Variants in NEK1 observed in about 807,000 individuals in gnomAD.
NEK1 encodes serine/threonine-protein kinase Nek1.
Under a neutral mutation model 182.1 loss-of-function variants are expected in NEK1, and 137 were observed. The ratio of observed to expected loss-of-function variants is 0.75; its 90% CI spans 0.65 to 0.87. NEK1 has a LOEUF of 0.87. NEK1 is among the 40% of genes least tolerant of loss of function. The pLI is 0.00. For missense variants in NEK1, 1,391 were observed against 1,494.4 expected (o/e 0.93, Z 1.14); for synonymous variants, 513 against 492.2 (o/e 1.04, Z -0.56).
chr4:169,408,544 G>A (rs1733045016), intron 31 of NEK1, among the ~76,000 whole-genome samples: 1 of 152,092 alleles, frequency 6.6e-6, no homozygotes, highest in South Asian at 2.1e-4. Flanking sequence ...CTTCAGTGGT[G>A]ATTTCTGATA....
At position 169,599,155 on chromosome 4, in the gene NEK1, C is replaced by T. The variant is rs1431339437; in HGVS notation, c.257G>A (p.Gly86Glu). 3.1e-6 allele frequency: 5 copies of T among 1,613,364 alleles called. No individual in the cohort carries two copies. In the South Asian group the frequency reaches 3.3e-5, roughly 11 times the overall value. Residue 86 changes from glycine to glutamate, a missense_variant, in exon 5 of 36, where the codon GGG (glycine) becomes GAG (glutamate). This residue lies in a region of NEK1 where 116 missense variants were observed against 114.5 expected (regional missense o/e 1.01). Coordinates refer to ENST00000507142, the MANE Select transcript of NEK1 (RefSeq NM_001199397.3). ...AGCATTTATTCGCTTAAACAGATCCCCTCCCTCACAGTAATCCATTACTAT... is the reference window on the plus strand; with the variant it reads ...AGCATTTATTCGCTTAAACAGATCCTCTCCCTCACAGTAATCCATTACTAT... Reference protein sequence around the residue: ...LYIVMDYCEGGDLFKRINAQK... With the variant: ...LYIVMDYCEGEDLFKRINAQK...
Position 169,537,503 on chromosome 4 carries a change from T to C in NEK1, c.1665+306A>G, listed in dbSNP as rs186884729. Among the ~76,000 whole-genome samples, 930 of 151,412 alleles carry C rather than the reference T, an allele frequency of 6.1e-3. 14 individuals are homozygous for C. The highest frequency in any genetic ancestry group is 0.022 in the African/African-American group (894 of 40,738). On this transcript the variant is annotated intron_variant, in intron 19 of 35. Transcript: ENST00000507142. ...AACATGCAGCAATCCAAGAACTTATTTCTTTATCTGGGTTGCTATACCCAT... is the reference window on the plus strand; with the variant it reads ...AACATGCAGCAATCCAAGAACTTATCTCTTTATCTGGGTTGCTATACCCAT...
rs145541267 is a variant in NEK1, at chr4:169,397,413, T to C, written c.3847+2812A>G. ...ACAAAACAGCAAGTCATCCACATAA[T>C]TCAATATCCATTTTATAACCAGTTT... is the stretch of plus-strand genomic sequence containing the variant. On this transcript the variant is annotated intron_variant, in intron 35 of 35. Transcript: ENST00000507142. Among the ~76,000 whole-genome samples, 234 of 152,328 alleles carry C rather than the reference T, an allele frequency of 1.5e-3. 2 individuals carry two copies. Among genetic ancestry groups the C allele is most frequent in the African/African-American group, 4.7e-3 (196 of 41,568 alleles).
rs373661947 is a variant in NEK1, at chr4:169,463,397, T to C, written c.2435-2A>G. On this transcript the variant is annotated splice_acceptor_variant, in intron 26 of 35. Transcript: ENST00000507142. LOFTEE classifies it high-confidence loss of function. ...TAATAACTTCTCCCACTGTATGTCC[T>C]ATAAGAAAAATATACAAAGAAACAA... The C allele has an allele frequency of 1.3e-6, 2 of 1,589,948 alleles. No homozygotes were observed. The highest frequency in any genetic ancestry group is 1.7e-6 in the Non-Finnish European group (2 of 1,166,856).
At chr4:169,512,832 CAAT>C in intron 19 of NEK1, among the ~76,000 whole-genome samples, 1 of 152,182 alleles carries the variant, frequency 6.6e-6, no homozygotes, top group Non-Finnish European at 1.5e-5. Flanking sequence ...ATTCCTCCCA[CAAT>C]AATATTGAAA....
At chr4:169,409,025 T>C (rs1385042369) in intron 31 of NEK1, among the ~76,000 whole-genome samples, 2 of 152,208 alleles carry the variant, frequency 1.3e-5, no homozygotes, top group South Asian at 2.1e-4. Context: ...AGTTCTACCT[T>C]TAGCTCTTTA....
At chr4:169,587,751 A>G (rs1767767891) in intron 8 of NEK1, 138 bp from the exon 9 acceptor site, 1 of 475,630 alleles carries the variant, frequency 2.1e-6, no homozygotes, top group South Asian at 4.5e-5. Context: ...AATTTCAACC[A>G]TAATCAAATG....
intron 35 of NEK1, among the ~76,000 whole-genome samples, chr4:169,394,851 CT>C (rs1730427662): frequency 6.6e-6 from 1 of 152,030 alleles, no homozygotes; most frequent in Non-Finnish European, 1.5e-5. Context: ...TGAAAACACC[CT>C]AGTGAATGGA....
chr4:169,580,982 T>C, intron 10 of NEK1, 80 bp from the exon 11 acceptor site: 1 of 643,632 alleles, frequency 1.6e-6, no homozygotes, highest in South Asian at 2.1e-5. Flanking sequence ...ATAATACATC[T>C]TCCCCTTTTT....
At chr4:169,599,633 T>C (rs1431973292) in intron 4 of NEK1, among the ~76,000 whole-genome samples, 2 of 152,178 alleles carry the variant, frequency 1.3e-5, no homozygotes, top group African/African-American at 4.8e-5. Context: ...TTTAATCACT[T>C]ACTTATTAAA....
intron 6 of NEK1, among the ~76,000 whole-genome samples, chr4:169,590,321 T>TAGACAGACAGACAGACAGACAGAC (rs11270666): frequency 2.5e-4 from 38 of 150,928 alleles, no homozygotes; most frequent in African/African-American, 8.1e-4. Flanking sequence ...AAACAATAGA[T>TAGACAGACAGACAGACAGACAGAC]AGACAGACAG....
At chr4:169,489,230 A>G (rs182177279) in intron 23 of NEK1, among the ~76,000 whole-genome samples, 23 of 152,246 alleles carry the variant, frequency 1.5e-4, no homozygotes, top group Admixed American at 2.6e-4. Flanking sequence ...ATCAGTTAAG[A>G]TTCTTTGGTT....
rs1383934287 is a variant in NEK1, at chr4:169,590,725, C to A, written c.396+1G>T. 36 of 1,578,988 alleles carry A rather than the reference C, an allele frequency of 2.3e-5. No homozygotes were observed. The highest frequency in any genetic ancestry group is 3.1e-5 in the Non-Finnish European group (36 of 1,158,614). On this transcript the variant is annotated splice_donor_variant, in intron 6 of 35. Coordinates refer to ENST00000507142, the MANE Select transcript of NEK1 (RefSeq NM_001199397.3). LOFTEE classifies it high-confidence loss of function. The stretch of plus-strand genomic sequence containing the variant: ...AAGTTATCAGTGACAGAATAACATA[C>A]CTGAGATTTAATGTCTCGATGAAGA...
intron 27 of NEK1, among the ~76,000 whole-genome samples, chr4:169,460,465 C>A (rs148882891): frequency 5.3e-5 from 8 of 152,082 alleles, no homozygotes; most frequent in African/African-American, 1.7e-4. Flanking sequence ...CATCTCCCAC[C>A]AGGTTCCTCT....
intron 31 of NEK1, among the ~76,000 whole-genome samples, chr4:169,409,695 G>C (rs1257696711): frequency 6.6e-6 from 1 of 151,902 alleles, no homozygotes; most frequent in Non-Finnish European, 1.5e-5. Flanking sequence ...TTAAACCTAG[G>C]AGGCGGAGGT....
intron 31 of NEK1, 35 bp downstream of exon 31, chr4:169,424,518 A>G (rs1235177001): frequency 2.6e-6 from 4 of 1,524,954 alleles, no homozygotes; most frequent in Non-Finnish European, 3.5e-6. Context: ...ATGTTATCGA[A>G]TGGATAATAT....
intron 5 of NEK1, among the ~76,000 whole-genome samples, chr4:169,598,668 C>T (rs1187998247): frequency 1.3e-5 from 2 of 151,958 alleles, no homozygotes; most frequent in South Asian, 2.1e-4. Flanking sequence ...AGGTAGGGAA[C>T]GGCCATATTT....
At chr4:169,492,088 A>G (rs1750199105) in intron 23 of NEK1, among the ~76,000 whole-genome samples, 1 of 152,228 alleles carries the variant, frequency 6.6e-6, no homozygotes, top group African/African-American at 2.4e-5. Context: ...AGAAAGGAAC[A>G]AAGGACCAAA....
chr4:169,491,197 G>A (rs1750028227), intron 23 of NEK1, among the ~76,000 whole-genome samples: 1 of 142,316 alleles, frequency 7.0e-6, no homozygotes, highest in African/African-American at 2.6e-5. Flanking sequence ...GGCTTTTTAA[G>A]TGAAGTACTT....
Sources: gnomAD v4.1 joint callset for allele counts (sites outside exome capture counted in the v4.1 genomes callset) on GRCh38, gnomAD v4.1.1 for gene constraint, gnomAD v4.1.1 regional missense constraint, MANE v1.5 for transcripts, NCBI Gene and HGNC (gene_info 2026-07-23, HGNC 2026-07-21) for gene names.